The following MYO1E variants were observed in gnomAD, a reference collection of about 807,000 sequenced individuals.
MYO1E encodes the protein unconventional myosin-Ie.
A neutral mutation model predicts 151.1 loss-of-function variants in MYO1E; 68 were observed. That is an observed-to-expected ratio of 0.45 (90% CI 0.37 to 0.55). MYO1E has a LOEUF of 0.55. MYO1E is among the 20% of genes least tolerant of loss of function. The pLI is 0.00. For missense variants in MYO1E, 1,363 were observed against 1,389.3 expected (o/e 0.98, Z 0.30); for synonymous variants, 601 against 501.7 (o/e 1.20, Z -2.64).
intron 7 of MYO1E, 82 bp downstream of exon 7, chr15:59,227,377 A>G: frequency 6.5e-7 from 1 of 1,536,504 alleles, no homozygotes; most frequent in Non-Finnish European, 9.0e-7. Flanking sequence ...TTCCTAGACT[A>G]TAGTCTATGC....
chr15:59,342,399 C>A (rs1303399231), intron 1 of MYO1E, among the ~76,000 whole-genome samples: 2 of 152,048 alleles, frequency 1.3e-5, no homozygotes, highest in African/African-American at 4.8e-5. Flanking sequence ...TCCCATTTGT[C>A]CAAAAAATCT....
chr15:59,244,286 C>A (rs1262705398), intron 4 of MYO1E, among the ~76,000 whole-genome samples: 1 of 152,182 alleles, frequency 6.6e-6, no homozygotes, highest in Admixed American at 6.5e-5. Flanking sequence ...TCAGAGGAAC[C>A]CAATGTTGAG....
intron 19 of MYO1E, among the ~76,000 whole-genome samples, chr15:59,175,537 C>A (rs563434504): frequency 6.6e-6 from 1 of 152,108 alleles, no homozygotes. Flanking sequence ...GGAGGGACCA[C>A]GTAATTCCCC....
At chr15:59,158,829 A>C (rs1185188948) in intron 24 of MYO1E, among the ~76,000 whole-genome samples, 1 of 152,208 alleles carries the variant, frequency 6.6e-6, no homozygotes, top group Non-Finnish European at 1.5e-5. Flanking sequence ...TGCACGCAAG[A>C]GTGTGTGTTC....
intron 14 of MYO1E, 73 bp from the exon 15 acceptor site, chr15:59,205,558 CA>C: frequency 1.5e-6 from 2 of 1,316,706 alleles, no homozygotes; most frequent in Non-Finnish European, 1.1e-6. Context: ...ATTTATTGAA[CA>C]AAAAATCTAA....
At chr15:59,332,275 T>C (rs2080702717) in intron 1 of MYO1E, among the ~76,000 whole-genome samples, 2 of 152,228 alleles carry the variant, frequency 1.3e-5, no homozygotes, top group African/African-American at 2.4e-5. Flanking sequence ...GCTACTTCTT[T>C]TGTGAGACAA....
At chr15:59,238,953 C>A (rs2080082568) in intron 4 of MYO1E, among the ~76,000 whole-genome samples, 1 of 151,340 alleles carries the variant, frequency 6.6e-6, no homozygotes, top group African/African-American at 2.4e-5. Flanking sequence ...TGCCTGTAAT[C>A]CTAGCACTTT....
chr15:59,357,631 G>C (rs1368185405), intron 1 of MYO1E, among the ~76,000 whole-genome samples: 1 of 151,586 alleles, frequency 6.6e-6, no homozygotes, highest in East Asian at 1.9e-4. Flanking sequence ...TGTATTTTTA[G>C]TAGAGACAGG....
intron 1 of MYO1E, among the ~76,000 whole-genome samples, chr15:59,277,607 G>GT (rs1389788834): frequency 6.6e-6 from 1 of 150,954 alleles, no homozygotes; most frequent in East Asian, 1.9e-4. Context: ...GCCAGCAACT[G>GT]TATTTTTTAG....
intron 1 of MYO1E, among the ~76,000 whole-genome samples, chr15:59,321,512 C>A (rs562215368): frequency 6.6e-6 from 1 of 152,216 alleles, no homozygotes; most frequent in South Asian, 2.1e-4. Flanking sequence ...TAAAGAAGAG[C>A]GAAATCATGT....
chr15:59,201,401 ATTTTT>A (rs35807865), intron 16 of MYO1E, among the ~76,000 whole-genome samples: 5 of 113,216 alleles, frequency 4.4e-5, no homozygotes, highest in Non-Finnish European at 7.4e-5. Context: ...GCTGACACAG[ATTTTT>A]TTTTTTTTTT....
intron 4 of MYO1E, among the ~76,000 whole-genome samples, chr15:59,247,382 T>C (rs1181758712): frequency 2.6e-5 from 4 of 152,118 alleles, no homozygotes; most frequent in African/African-American, 7.2e-5. Context: ...TCACTGCTAA[T>C]AGGTATAAAG....
intron 2 of MYO1E, among the ~76,000 whole-genome samples, chr15:59,271,919 G>C (rs889536098): frequency 7.9e-5 from 12 of 152,228 alleles, no homozygotes; most frequent in Admixed American, 5.2e-4. Context: ...TAAAGTAGAT[G>C]AATACTGGCT....
At chr15:59,364,244 G>C (rs375131894) in intron 1 of MYO1E, among the ~76,000 whole-genome samples, 3 of 152,220 alleles carry the variant, frequency 2.0e-5, no homozygotes, top group Non-Finnish European at 2.9e-5. Flanking sequence ...TCACATATTT[G>C]AGTGTCAACG....
chr15:59,229,943 A>C (rs1361386673), intron 6 of MYO1E, among the ~76,000 whole-genome samples: 5 of 152,188 alleles, frequency 3.3e-5, no homozygotes, highest in African/African-American at 1.2e-4. Context: ...ATATATTATG[A>C]ATATCTTTTA....
At chr15:59,284,650 T>C (rs2080376879) in intron 1 of MYO1E, among the ~76,000 whole-genome samples, 1 of 151,322 alleles carries the variant, frequency 6.6e-6, no homozygotes, top group Admixed American at 6.6e-5. Flanking sequence ...AATTTTTTTT[T>C]TTTTTGTAGA....
rs568503125 is a variant in MYO1E at position 59,142,472 on chromosome 15, C to T, written c.3081-4105G>A. Among the ~76,000 whole-genome samples the T allele has an allele frequency of 4.6e-5, 7 of 152,336 alleles. No homozygotes were observed. The South Asian group carries it at 1.4e-3, about 32-fold the overall frequency. On this transcript the variant is annotated intron_variant, in intron 26 of 27. Transcript: ENST00000288235. ...CCTGGGCATCACCCACTTGTTCTGC[C>T]CCACCTGCCTCCAGCTTTGACTAAG...
At chr15:59,247,587 T>C (rs1319512109) in intron 4 of MYO1E, among the ~76,000 whole-genome samples, 4 of 152,148 alleles carry the variant, frequency 2.6e-5, no homozygotes, top group Non-Finnish European at 5.9e-5. Flanking sequence ...TCAGGAAGTC[T>C]ATCTTGCGGG....
chr15:59,152,775 T>C (rs1166100821), intron 26 of MYO1E, among the ~76,000 whole-genome samples: 1 of 152,148 alleles, frequency 6.6e-6, no homozygotes, highest in Non-Finnish European at 1.5e-5. Flanking sequence ...TCTTTCCCCT[T>C]ATCTACCATT....
Sources: allele counts gnomAD v4.1 joint callset (sites outside exome capture counted in the v4.1 genomes callset), GRCh38; gene constraint gnomAD v4.1.1; transcripts MANE v1.5; gene names NCBI Gene and HGNC (gene_info 2026-07-23, HGNC 2026-07-21).